The following ITGA9 variants were observed in gnomAD, a reference collection of about 807,000 sequenced individuals.
ITGA9 encodes the protein integrin alpha-9.
A neutral mutation model predicts 127.8 loss-of-function variants in ITGA9; 56 were observed. The observed-to-expected ratio is 0.44, with a 90% CI of 0.35 to 0.55. The LOEUF (loss-of-function observed/expected upper bound fraction) is 0.55. ITGA9 is among the 20% of genes least tolerant of loss of function. The pLI is 0.00. For missense variants in ITGA9, 1,196 were observed against 1,347.1 expected, an observed-to-expected ratio of 0.89 and a Z score of 1.76; for synonymous variants, 508 against 514.5, an observed-to-expected ratio of 0.99 and a Z score of 0.17.
chr3:37,709,168 T>C (rs1453231086), intron 18 of ITGA9, among the ~76,000 whole-genome samples: 2 of 152,252 alleles, frequency 1.3e-5, no homozygotes, highest in Non-Finnish European at 2.9e-5. Context: ...TAGACATTCA[T>C]GTAAAGCACT....
intron 13 of ITGA9, among the ~76,000 whole-genome samples, chr3:37,527,475 T>C (rs1312101258): frequency 1.3e-5 from 2 of 152,228 alleles, no homozygotes; most frequent in African/African-American, 4.8e-5. Flanking sequence ...AGCAACCCTT[T>C]AGTATCTGAA....
chr3:37,716,321 G>A (rs1701135058), intron 18 of ITGA9, among the ~76,000 whole-genome samples: 1 of 152,078 alleles, frequency 6.6e-6, no homozygotes, highest in Non-Finnish European at 1.5e-5. Context: ...TGCTGTGAGA[G>A]AGATGGTATG....
At chr3:37,730,214 A>G (rs186450711) in intron 18 of ITGA9, among the ~76,000 whole-genome samples, 38 of 152,324 alleles carry the variant, frequency 2.5e-4, no homozygotes, top group Admixed American at 2.4e-3. Context: ...CTTGAGACTA[A>G]TTATACCAGA....
chr3:37,817,072 T>C lies in ITGA9; in HGVS notation c.3010-1819T>C, dbSNP rs546237001. Among the ~76,000 whole-genome samples, 5 of 152,336 alleles carry C rather than the reference T, an allele frequency of 3.3e-5. No homozygotes were observed. The East Asian group carries it at 7.7e-4, about 24-fold the overall frequency. ...CCTCAGCTCCACCTGCCTTCCCTTC[T>C]TCAGGGGAGCTTATGACCATCAGGG... is the stretch of plus-strand genomic sequence containing the variant. On this transcript the variant is annotated intron_variant, in intron 27 of 27. Transcript: ENST00000264741.
intron 27 of ITGA9, among the ~76,000 whole-genome samples, chr3:37,804,524 T>G (rs1245763090): frequency 6.6e-6 from 1 of 152,216 alleles, no homozygotes; most frequent in Non-Finnish European, 1.5e-5. Flanking sequence ...GATGATTTGT[T>G]TGCCTCACAC....
intron 15 of ITGA9, among the ~76,000 whole-genome samples, chr3:37,615,682 G>T (rs2125628322): frequency 6.6e-6 from 1 of 152,192 alleles, no homozygotes; most frequent in South Asian, 2.1e-4. Context: ...ACTTCTTCCT[G>T]GTTTAGTCTT....
intron 15 of ITGA9, among the ~76,000 whole-genome samples, chr3:37,606,935 G>A (rs1024066341): frequency 6.8e-6 from 1 of 147,340 alleles, no homozygotes; most frequent in East Asian, 2.0e-4. Context: ...CTTGGCTTGT[G>A]TGAGGGGCCA....
In ITGA9 at chr3:37,732,699, C is replaced by T; in HGVS notation, c.2068-13C>T. 1.3e-6 allele frequency: 2 copies of T among 1,599,790 alleles called. No homozygotes were observed. Among genetic ancestry groups the T allele is most frequent in the Non-Finnish European group, 1.7e-6 (2 of 1,173,236 alleles). On this transcript the variant is annotated splice_polypyrimidine_tract_variant and intron_variant, in intron 18 of 27. Coordinates refer to ENST00000264741, the MANE Select transcript of ITGA9 (RefSeq NM_002207.3). The stretch of plus-strand genomic sequence containing the variant: ...TGTGCAGCCGGCCCATCTGTTGGTG[C>T]TTTTTCTTTCAGGAGGAGATGGGCA...
At chr3:37,474,375 G>C (rs1466110496) in intron 3 of ITGA9, among the ~76,000 whole-genome samples, 1 of 152,182 alleles carries the variant, frequency 6.6e-6, no homozygotes. Flanking sequence ...TTGGAAAGCA[G>C]AGAGAGAGAA....
At chr3:37,580,694 C>A (rs1344420384) in intron 15 of ITGA9, among the ~76,000 whole-genome samples, 1 of 151,970 alleles carries the variant, frequency 6.6e-6, no homozygotes, top group African/African-American at 2.4e-5. Context: ...CTTTTTTATC[C>A]TGGATGTGCT....
At chr3:37,511,511 A>G (rs1419625006) in intron 8 of ITGA9, among the ~76,000 whole-genome samples, 1 of 152,240 alleles carries the variant, frequency 6.6e-6, no homozygotes, top group Non-Finnish European at 1.5e-5. Flanking sequence ...GAATGAAACA[A>G]ATAGTTCCCC....
intron 23 of ITGA9, among the ~76,000 whole-genome samples, chr3:37,763,380 T>C (rs961946547): frequency 6.6e-6 from 1 of 152,218 alleles, no homozygotes; most frequent in Admixed American, 6.5e-5. Context: ...GCCAAGTCTA[T>C]GTCTTTTCTG....
chr3:37,555,669 C>T (rs952096231), intron 15 of ITGA9, among the ~76,000 whole-genome samples: 1 of 152,246 alleles, frequency 6.6e-6, no homozygotes, highest in Non-Finnish European at 1.5e-5. Context: ...AGATTGAGGT[C>T]ACATTGACTG....
intron 11 of ITGA9, among the ~76,000 whole-genome samples, chr3:37,521,117 C>G (rs1242940154): frequency 1.3e-5 from 2 of 151,704 alleles, no homozygotes; most frequent in African/African-American, 4.8e-5. Context: ...GTTTTGGGCT[C>G]TTAAGGAAAA....
At chr3:37,608,700 G>A (rs376454864) in intron 15 of ITGA9, among the ~76,000 whole-genome samples, 2 of 152,136 alleles carry the variant, frequency 1.3e-5, no homozygotes, top group African/African-American at 4.8e-5. Context: ...GTGACATAAA[G>A]TTGAAGACAT....
At chr3:37,464,134 T>TGTGC (rs201607075) in intron 1 of ITGA9, among the ~76,000 whole-genome samples, 3,089 of 151,770 alleles carry the variant, frequency 0.02, 105 homozygotes, top group African/African-American at 0.07. Flanking sequence ...TGTGTGTGTG[T>TGTGC]GTGTGTGTGT....
intron 15 of ITGA9, among the ~76,000 whole-genome samples, chr3:37,603,440 G>A (rs1187352736): frequency 1.3e-5 from 2 of 152,144 alleles, no homozygotes; most frequent in Admixed American, 6.5e-5. Flanking sequence ...TCAAGGACTT[G>A]TGTGTTCTTG....
intron 15 of ITGA9, among the ~76,000 whole-genome samples, chr3:37,571,945 A>G (rs746048150): frequency 1.8e-4 from 27 of 151,892 alleles, no homozygotes; most frequent in Non-Finnish European, 3.8e-4. Context: ...TTTTTGGTTA[A>G]AGAAAGGAGG....
intron 18 of ITGA9, among the ~76,000 whole-genome samples, chr3:37,709,412 CAACCCTG>C (rs750636664): frequency 6.6e-6 from 1 of 152,198 alleles, no homozygotes; most frequent in Non-Finnish European, 1.5e-5. Flanking sequence ...GTCCCAAGGC[CAACCCTG>C]AACCTTGGAA....
Sources: gnomAD v4.1 joint callset for allele counts (sites outside exome capture counted in the v4.1 genomes callset) on GRCh38, gnomAD v4.1.1 for gene constraint, MANE v1.5 for transcripts, NCBI Gene and HGNC (gene_info 2026-07-23, HGNC 2026-07-21) for gene names.